Variants in VAV1 observed in about 807,000 individuals in gnomAD.
VAV1 encodes vav guanine nucleotide exchange factor 1.
VAV1 carries 33 observed loss-of-function variants against 128.1 expected under a neutral mutation model. The observed-to-expected ratio is 0.26, with a 90% CI of 0.20 to 0.34. The LOEUF (loss-of-function observed/expected upper bound fraction) is 0.34. Among genes scored for constraint, VAV1 ranks in the 10% least tolerant of loss-of-function variants. VAV1 has a pLI of 1.00. For missense variants in VAV1, 715 were observed against 1,093.7 expected (o/e 0.65, Z 4.88); for synonymous variants, 394 against 409.8 (o/e 0.96, Z 0.47).
At chr19:6,776,405 TATCCATCCATCCATCCATCC>T (rs59104898) in intron 1 of VAV1, among the ~76,000 whole-genome samples, 1,639 of 87,704 alleles carry the variant, frequency 0.019, 42 homozygotes, top group African/African-American at 0.067. Context: ...CCCACCCATC[TATCCATCCATCCATCCATCC>T]ATCCATCCAT....
intron 21 of VAV1, among the ~76,000 whole-genome samples, chr19:6,842,254 T>G (rs536524392): frequency 6.6e-6 from 1 of 151,740 alleles, no homozygotes; most frequent in Non-Finnish European, 1.5e-5. Context: ...AAATAAATAA[T>G]AAATACATAC....
At chr19:6,798,592 G>A (rs949503744) in intron 1 of VAV1, among the ~76,000 whole-genome samples, 1 of 152,144 alleles carries the variant, frequency 6.6e-6, no homozygotes, top group African/African-American at 2.4e-5. Flanking sequence ...AGTCGAGGCT[G>A]CAGTGAGCCA....
intron 21 of VAV1, among the ~76,000 whole-genome samples, chr19:6,840,545 C>T (rs980804746): frequency 1.6e-4 from 24 of 151,408 alleles, no homozygotes; most frequent in Non-Finnish European, 3.2e-4. Context: ...GTGTTCCTCC[C>T]GCTTCGGCTT....
At chr19:6,821,572 G>A in intron 2 of VAV1, 50 bp from the exon 3 acceptor site, 2 of 1,608,544 alleles carry the variant, frequency 1.2e-6, no homozygotes, top group Non-Finnish European at 8.5e-7. Context: ...GCTGTGTTCT[G>A]CCGTGGGGGT....
rs576227516 is a variant in VAV1, at chr19:6,782,719, A to T, written c.204+9708A>T. On this transcript the variant is annotated intron_variant, in intron 1 of 26. Transcript: ENST00000602142. ...ACATACAAGATCCCCATCTCTACAA[A>T]ATATATATATATATTAGCAGAGCAT... 3.3e-4 allele frequency among the ~76,000 whole-genome samples: 50 copies of T among 151,332 alleles called. No individual in the cohort carries two copies. The Middle Eastern group carries it at 0.014, about 42-fold the overall frequency.
intron 1 of VAV1, among the ~76,000 whole-genome samples, chr19:6,789,144 T>C (rs1970959136): frequency 6.6e-6 from 1 of 152,206 alleles, no homozygotes; most frequent in African/African-American, 2.4e-5. Flanking sequence ...GCTTGCTGTC[T>C]TGGGGAAAAT....
intron 21 of VAV1, among the ~76,000 whole-genome samples, chr19:6,838,440 T>C (rs10413996): frequency 1.0e-4 from 14 of 137,010 alleles, no homozygotes; most frequent in African/African-American, 4.0e-4. Flanking sequence ...TCCATCCATC[T>C]ATCATCTATC....
Position 6,773,020 on chromosome 19 carries a change from T to C in VAV1, c.204+9T>C. 1 of 1,613,940 alleles carries C rather than the reference T, an allele frequency of 6.2e-7. No homozygotes were observed. The highest frequency in any genetic ancestry group is 1.1e-5 in the South Asian group (1 of 91,072). On this transcript the variant is annotated intron_variant, in intron 1 of 26. Transcript: ENST00000602142. ...GCCCCCAGATGTCCCAGGTGAGCCC[T>C]CCGCGGGCAGGTGTGCTGAGGGTTG...
At chr19:6,789,322 G>C (rs1351462337) in intron 1 of VAV1, among the ~76,000 whole-genome samples, 1 of 150,560 alleles carries the variant, frequency 6.6e-6, no homozygotes, top group Non-Finnish European at 1.5e-5. Context: ...GCGCGATCTC[G>C]TCTCACTGCA....
At chr19:6,856,134 A>C (rs1217750472) in intron 26 of VAV1, among the ~76,000 whole-genome samples, 1 of 152,102 alleles carries the variant, frequency 6.6e-6, no homozygotes, top group Non-Finnish European at 1.5e-5. Context: ...GTCTTAACTA[A>C]AGATACAAAA....
intron 25 of VAV1, among the ~76,000 whole-genome samples, chr19:6,853,494 TG>T (rs1972716970): frequency 6.6e-6 from 1 of 151,336 alleles, no homozygotes; most frequent in East Asian, 1.9e-4. Flanking sequence ...GAGGCCAAGG[TG>T]GGTGGATCAC....
Position 6,820,929 on chromosome 19 carries a change from C to A in VAV1, c.321+111C>A. On this transcript the variant is annotated intron_variant, in intron 2 of 26. Coordinates refer to ENST00000602142, the MANE Select transcript of VAV1 (RefSeq NM_005428.4). The surrounding 1 kb of genome is among the most constrained non-coding windows in gnomAD (Gnocchi z 4.4). Reference sequence around the variant, plus strand: ...GACAGGCAGACAAGCCAGACCAGGCCATATACAAGACGCAAATAGCACTGG... The same window carrying A: ...GACAGGCAGACAAGCCAGACCAGGCAATATACAAGACGCAAATAGCACTGG... 1 of 1,017,190 alleles carries A rather than the reference C, an allele frequency of 9.8e-7. No homozygotes were observed. The highest frequency in any genetic ancestry group is 1.5e-6 in the Non-Finnish European group (1 of 658,828). 63.0% of individuals were successfully genotyped at this position (1,017,190 alleles called of 1,614,324 possible).
intron 1 of VAV1, among the ~76,000 whole-genome samples, chr19:6,810,699 T>C (rs114514471): frequency 0.08 from 12,050 of 150,392 alleles, 1,236 homozygotes; most frequent in African/African-American, 0.24. Context: ...GAGTGAAACG[T>C]TATCTCAAAA....
chr19:6,820,892 G>T lies in VAV1; in HGVS notation c.321+74G>T. 1 of 1,404,714 alleles carries T rather than the reference G, an allele frequency of 7.1e-7. No homozygotes were observed. The highest frequency in any genetic ancestry group is 1.2e-5 in the South Asian group (1 of 86,066). 87.0% of individuals were successfully genotyped at this position (1,404,714 alleles called of 1,614,324 possible). ...TTGACGTCTACACTGGGCAAGCTAA[G>T]GACTGTCAGGGGACAGGCAGACAAG... On this transcript the variant is annotated intron_variant, in intron 2 of 26. Transcript: ENST00000602142. The surrounding 1 kb of genome is among the most constrained non-coding windows in gnomAD (Gnocchi z 4.4).
chr19:6,786,521 G>A (rs1300655402), intron 1 of VAV1, among the ~76,000 whole-genome samples: 1 of 151,846 alleles, frequency 6.6e-6, no homozygotes, highest in Admixed American at 6.6e-5. Context: ...AGTGGCTCAC[G>A]CCTGTAATCT....
intron 1 of VAV1, among the ~76,000 whole-genome samples, chr19:6,795,704 G>A (rs930120430): frequency 1.3e-5 from 2 of 151,992 alleles, no homozygotes; most frequent in African/African-American, 2.4e-5. Context: ...TGTTTTTTGA[G>A]ATGGAGTCTC....
chr19:6,776,443 T>C (rs144849501), intron 1 of VAV1, among the ~76,000 whole-genome samples: 6,324 of 115,494 alleles, frequency 0.055, 134 homozygotes, highest in Middle Eastern at 0.078. Context: ...CATCCATCCA[T>C]CCACCCACCC....
At chr19:6,802,026 G>A (rs1404247013) in intron 1 of VAV1, among the ~76,000 whole-genome samples, 1 of 36,206 alleles carries the variant, frequency 2.8e-5, no homozygotes, top group East Asian at 1.9e-3. Context: ...GGGAGGAACC[G>A]TCCTCATAAT....
At chr19:6,797,103 G>T (rs1428698880) in intron 1 of VAV1, among the ~76,000 whole-genome samples, 2 of 151,972 alleles carry the variant, frequency 1.3e-5, no homozygotes, top group South Asian at 2.1e-4. Context: ...ATGGTGGCAG[G>T]TGCCTATAAT....
Sources: gnomAD v4.1 joint callset for allele counts (sites outside exome capture counted in the v4.1 genomes callset) on GRCh38, gnomAD v4.1.1 for gene constraint, Gnocchi (gnomAD v3.1) non-coding constraint, MANE v1.5 for transcripts, NCBI Gene and HGNC (gene_info 2026-07-23, HGNC 2026-07-21) for gene names.